Variants in AMY2A observed in about 807,000 individuals in gnomAD.
AMY2A encodes the protein amylase alpha 2A, also known as pancreatic alpha-amylase.
AMY2A carries 16 observed loss-of-function variants against 43.0 expected under a neutral mutation model. The observed-to-expected ratio is 0.37, with a 90% CI of 0.25 to 0.56. The LOEUF is 0.56. Ranked by LOEUF, AMY2A falls within the 20% of genes least tolerant of loss-of-function variation. The pLI is 0.77. For missense variants in AMY2A, 212 were observed against 456.8 expected (o/e 0.46, Z 4.89); for synonymous variants, 70 against 144.6 (o/e 0.48, Z 3.70).
At chr1:103,616,919 C>A, upstream of AMY2A, 1 of 917,562 alleles carries the variant, frequency 1.1e-6, no homozygotes, top group Non-Finnish European at 1.3e-6. Context: ...GCTTCTGGAC[C>A]ACTTGTTTCT....
chr1:103,617,968 T>C lies in AMY2A; in HGVS notation c.183T>C (p.Asn61=), dbSNP rs143617737. ...GFGGVQVSPP[N]ENVAIYNPFR... ...TTAATTTGTAGGTCTCTCCACCAAA[T>C]GAAAATGTTGCAATTTACAACCCTT... The change falls in exon 2 of 10, where the codon AAT becomes AAC. Residue 61 remains asparagine (N), a synonymous_variant. Transcript: ENST00000414303. 1.6e-4 allele frequency: 259 copies of C among 1,600,514 alleles called. 24 individuals are homozygous for C. Among genetic ancestry groups the C allele is most frequent in the Non-Finnish European group, 2.1e-4 (250 of 1,170,694 alleles).
chr1:103,619,312 C>A (rs976564700), intron 3 of AMY2A, among the ~76,000 whole-genome samples: 1 of 150,120 alleles, frequency 6.7e-6, no homozygotes, highest in East Asian at 1.9e-4. Context: ...TACACATTTG[C>A]CCACTTCTAA....
intron 4 of AMY2A, 47 bp downstream of exon 4, chr1:103,619,831 A>G (rs1653191586): frequency 6.3e-7 from 1 of 1,596,292 alleles, no homozygotes; most frequent in African/African-American, 1.4e-5. Context: ...TATTCGTTAG[A>G]AAATTAATGG....
In AMY2A at chr1:103,618,054, A is replaced by G. The variant is rs1179576361; in HGVS notation, c.269A>G (p.Asn90Ser). The G allele has an allele frequency of 1.2e-6, 2 of 1,600,680 alleles. No individual in the cohort carries two copies. The highest frequency in any genetic ancestry group is 2.2e-5 in the South Asian group (2 of 90,868). Residue 90 changes from asparagine (N) to serine (S), a missense_variant, in exon 2 of 10, where the codon AAT becomes AGT. Physicochemically the swap from Asn to Ser is conservative, Grantham distance 46. Coordinates refer to ENST00000414303, the MANE Select transcript of AMY2A (RefSeq NM_000699.4). The stretch of plus-strand genomic sequence containing the variant: ...TATAAATTATGCACAAGATCTGGAA[A>G]TGAAGATGAATTTAGAAACATGGTG... ...VSYKLCTRSG[N>S]EDEFRNMVTR...
intron 2 of AMY2A, 135 bp from the exon 3 acceptor site, chr1:103,618,776 A>G: frequency 1.3e-6 from 2 of 1,489,564 alleles, no homozygotes; most frequent in Non-Finnish European, 9.1e-7. Context: ...TTGATTTTTG[A>G]TCTTGTAGGA....
At chr1:103,619,861 A>C (rs1252124973) in intron 4 of AMY2A, 77 bp downstream of exon 4, 2 of 1,578,374 alleles carry the variant, frequency 1.3e-6, no homozygotes, top group East Asian at 4.5e-5. Flanking sequence ...TTAAAAATGC[A>C]ATTTCTGTAG....
rs1653116758 is a variant in AMY2A, at chr1:103,617,700, A to C, written c.168+92A>C. ...ATCTGTGAAGCTTGGGCAACATTTT[A>C]CTTCACAGGTAAGTATTCTAAGTAA... On this transcript the variant is annotated intron_variant, in intron 1 of 9. Coordinates refer to ENST00000414303, the MANE Select transcript of AMY2A (RefSeq NM_000699.4). 6.3e-6 allele frequency: 10 copies of C among 1,592,312 alleles called. 1 individual carries two copies. Among genetic ancestry groups the C allele is most frequent in the African/African-American group, 1.3e-5 (1 of 74,576 alleles).
At chr1:103,617,896 A>C in intron 1 of AMY2A, 58 bp from the exon 2 acceptor site, 1 of 1,597,422 alleles carries the variant, frequency 6.3e-7, no homozygotes, top group South Asian at 1.1e-5. Flanking sequence ...TTTCTAGAAC[A>C]TTCAATGATA....
chr1:103,618,334 A>C lies in AMY2A; in HGVS notation c.315+234A>C, dbSNP rs184044643. Among the ~76,000 whole-genome samples, 218 of 150,954 alleles carry C rather than the reference A, an allele frequency of 1.4e-3. 20 individuals are homozygous for C. Among genetic ancestry groups the C allele is most frequent in the South Asian group, 4.0e-3 (19 of 4,798 alleles). On this transcript the variant is annotated intron_variant, in intron 2 of 9. Transcript: ENST00000414303. Reference sequence around the variant, plus strand: ...TAAATCAGAATTTGCTTCTAAAGCAAAACATCAAATTTTAACCCTTATAAC... The same window carrying C: ...TAAATCAGAATTTGCTTCTAAAGCACAACATCAAATTTTAACCCTTATAAC...
intron 7 of AMY2A, among the ~76,000 whole-genome samples, 183 bp from the exon 8 acceptor site, chr1:103,623,683 C>A (rs1653246395): frequency 8.2e-6 from 1 of 122,170 alleles, no homozygotes; most frequent in Non-Finnish European, 1.8e-5. Context: ...AGAAGAAAAC[C>A]AGAGGATAGA....
intron 2 of AMY2A, among the ~76,000 whole-genome samples, chr1:103,618,404 T>G (rs372003614): frequency 4.6e-5 from 7 of 150,840 alleles, no homozygotes; most frequent in African/African-American, 1.7e-4. Flanking sequence ...GAAGTATAAT[T>G]CCAGTTACAA....
upstream of AMY2A, chr1:103,617,251 T>G (rs1189033312): frequency 3.1e-6 from 4 of 1,271,372 alleles, no homozygotes; most frequent in Non-Finnish European, 4.3e-6. Context: ...AAAAGGTCAT[T>G]TAGATGATTT....
chr1:103,616,877 G>C (rs183131467), upstream of AMY2A: 53 of 552,088 alleles, frequency 9.6e-5, no homozygotes, highest in African/African-American at 9.8e-4. Context: ...TCAGGGCTGA[G>C]TGTTCTGGGA....
Position 103,618,949 on chromosome 1 carries a change from T to C in AMY2A, c.354T>C (p.Cys118=). 1 of 1,413,778 alleles carries C rather than the reference T, an allele frequency of 7.1e-7. No homozygotes were observed. Among genetic ancestry groups the C allele is most frequent in the Non-Finnish European group, 9.5e-7 (1 of 1,048,444 alleles). 87.6% of individuals were successfully genotyped at this position (1,413,778 alleles called of 1,614,324 possible). The change falls in exon 3 of 10, where the codon TGT becomes TGC. Residue 118 remains cysteine, a synonymous_variant. Transcript: ENST00000414303. ...IYVDAVINHM[C]GNAVSAGTSS... The stretch of plus-strand genomic sequence containing the variant: ...TGGATGCTGTAATTAATCATATGTG[T>C]GGTAACGCTGTGAGTGCAGGAACAA...
intron 3 of AMY2A, 133 bp from the exon 4 acceptor site, chr1:103,619,421 T>G (rs2101099698): frequency 8.8e-7 from 1 of 1,135,556 alleles, no homozygotes; most frequent in South Asian, 1.5e-5. Context: ...AATGTGAGCA[T>G]CCCCAGTGCC....
chr1:103,617,294 T>G, upstream of AMY2A: 1 of 1,441,212 alleles, frequency 6.9e-7, no homozygotes, highest in Admixed American at 2.1e-5. Flanking sequence ...CTTTACCTGT[T>G]AGGATTATTA....
intron 2 of AMY2A, 61 bp from the exon 3 acceptor site, chr1:103,618,850 A>T (rs2101099117): frequency 3.2e-6 from 2 of 616,824 alleles, no homozygotes; most frequent in East Asian, 5.6e-5. Flanking sequence ...ACTTGCATCA[A>T]TAATGCTTTA....
chr1:103,624,558 TA>T (rs1204820387), intron 9 of AMY2A, among the ~76,000 whole-genome samples: 4 of 48,086 alleles, frequency 8.3e-5, no homozygotes, highest in South Asian at 6.2e-4. Context: ...GTGAAATCAT[TA>T]AAAAAAAGTG....
At chr1:103,618,381 A>C (rs536557674) in intron 2 of AMY2A, among the ~76,000 whole-genome samples, 8 of 150,696 alleles carry the variant, frequency 5.3e-5, no homozygotes, top group Non-Finnish European at 8.9e-5. Context: ...CCCGGAAACA[A>C]TTTACTGGTT....
Sources: gnomAD v4.1 joint callset for allele counts (sites outside exome capture counted in the v4.1 genomes callset) on GRCh38, gnomAD v4.1.1 for gene constraint, MANE v1.5 for transcripts, NCBI Gene and HGNC (gene_info 2026-07-23, HGNC 2026-07-21) for gene names.